Variants in ERN1 observed in about 807,000 individuals in gnomAD.
ERN1 encodes serine/threonine-protein kinase/endoribonuclease IRE1.
ERN1 carries 39 observed loss-of-function variants against 113.1 expected under a neutral mutation model. The ratio of observed to expected loss-of-function variants is 0.34; its 90% CI spans 0.27 to 0.45. The LOEUF (loss-of-function observed/expected upper bound fraction) is 0.45. Ranked by LOEUF, ERN1 falls within the 20% of genes least tolerant of loss-of-function variation. The probability of loss-of-function intolerance (pLI) is 1.00; values close to 1 mark genes in which losing one functional copy is unlikely to be tolerated. For missense variants in ERN1, 976 were observed against 1,274.8 expected, an observed-to-expected ratio of 0.77 and a Z score of 3.57; for synonymous variants, 507 against 515.9, an observed-to-expected ratio of 0.98 and a Z score of 0.23.
chr17:64,079,044 T>C (rs182026422), intron 4 of ERN1, among the ~76,000 whole-genome samples: 1 of 152,288 alleles, frequency 6.6e-6, no homozygotes, highest in East Asian at 1.9e-4. Context: ...CACTGCAGTG[T>C]CACCTTTGTC....
chr17:64,105,915 G>A (rs376021190), intron 1 of ERN1, among the ~76,000 whole-genome samples: 20 of 144,874 alleles, frequency 1.4e-4, no homozygotes, highest in Admixed American at 1.0e-3. Flanking sequence ...AGATGGTGCC[G>A]TTGCACTCCA....
chr17:64,112,262 A>G (rs1244717139), intron 1 of ERN1, among the ~76,000 whole-genome samples: 1 of 151,446 alleles, frequency 6.6e-6, no homozygotes, highest in African/African-American at 2.4e-5. Flanking sequence ...CAGCTCCTCG[A>G]GTGGGTGAGG....
At chr17:64,088,120 G>T (rs945621514) in intron 2 of ERN1, among the ~76,000 whole-genome samples, 2 of 152,150 alleles carry the variant, frequency 1.3e-5, no homozygotes, top group Non-Finnish European at 2.9e-5. Context: ...ACAAGAACAG[G>T]TTGCTCACTT....
At chr17:64,096,106 C>T (rs144432541) in intron 2 of ERN1, among the ~76,000 whole-genome samples, 225 of 152,308 alleles carry the variant, frequency 1.5e-3, no homozygotes, top group African/African-American at 5.3e-3. Flanking sequence ...CCCCAACCCC[C>T]AGGTTGTGGA....
intron 6 of ERN1, among the ~76,000 whole-genome samples, chr17:64,070,751 T>G (rs977208078): frequency 6.6e-6 from 1 of 152,222 alleles, no homozygotes; most frequent in Non-Finnish European, 1.5e-5. Flanking sequence ...CCTAGGTTTT[T>G]GGTATAATTT....
chr17:64,073,576 C>A lies in ERN1; in HGVS notation c.356-1473G>T, dbSNP rs1383266768. On this transcript the variant is annotated intron_variant, in intron 5 of 21. Transcript: ENST00000433197. ...GTGCAATCTCAGCTCACTGCAACCT[C>A]CGCCTCCAGGGTTCAAGCGATACTG... 2.0e-5 allele frequency among the ~76,000 whole-genome samples: 3 copies of A among 152,102 alleles called. No individual in the cohort carries two copies. In the East Asian group the frequency reaches 5.8e-4, roughly 29 times the overall value.
At chr17:64,071,436 G>C (rs752392361) in intron 6 of ERN1, among the ~76,000 whole-genome samples, 2 of 151,786 alleles carry the variant, frequency 1.3e-5, no homozygotes, top group African/African-American at 2.4e-5. Flanking sequence ...TTTTGGGCAG[G>C]GGGGATGGAG....
intron 1 of ERN1, among the ~76,000 whole-genome samples, chr17:64,106,906 C>T (rs1914546377): frequency 4.0e-5 from 6 of 151,654 alleles, no homozygotes; most frequent in Admixed American, 3.9e-4. Context: ...ATAACACAGA[C>T]CCTTGAAAGG....
At chr17:64,119,711 T>C (rs1333496846) in intron 1 of ERN1, among the ~76,000 whole-genome samples, 1 of 151,058 alleles carries the variant, frequency 6.6e-6, no homozygotes, top group South Asian at 2.1e-4. Context: ...AAGTTAGAAC[T>C]TTATTTCTAG....
rs376504608 is a variant in ERN1, at chr17:64,066,637, G to A, written c.842+34C>T. ...AACAGCACCAGAACACGAAGGCCAC[G>A]GCCGCCCTCTCCTTCCCCGAGCTCC... On this transcript the variant is annotated intron_variant, in intron 8 of 21. Coordinates refer to ENST00000433197, the MANE Select transcript of ERN1 (RefSeq NM_001433.5). 1.4e-4 allele frequency: 233 copies of A among 1,609,558 alleles called. No individual in the cohort carries two copies. In the East Asian group the frequency reaches 4.6e-3, roughly 32 times the overall value.
intron 2 of ERN1, among the ~76,000 whole-genome samples, chr17:64,092,336 T>C (rs1224574152): frequency 6.6e-6 from 1 of 152,094 alleles, no homozygotes. Context: ...GGAGGAACTG[T>C]GGCAAGAGGC....
rs1914277972 is a variant in ERN1, at chr17:64,098,078, T to C, written c.175+43A>G. ...CCAGAATATGTTTCTGTGGAACCAGTTAAGCAAATGTCCATGTCGCCCAAG... is the reference window on the plus strand; with the variant it reads ...CCAGAATATGTTTCTGTGGAACCAGCTAAGCAAATGTCCATGTCGCCCAAG... On this transcript the variant is annotated intron_variant, in intron 2 of 21. Transcript: ENST00000433197. 1.9e-6 allele frequency: 3 copies of C among 1,610,486 alleles called. No homozygotes were observed. In the East Asian group the frequency reaches 6.7e-5, roughly 36 times the overall value.
intron 15 of ERN1, among the ~76,000 whole-genome samples, chr17:64,053,673 T>C (rs923575184): frequency 6.6e-6 from 1 of 152,088 alleles, no homozygotes; most frequent in East Asian, 1.9e-4. Flanking sequence ...TGCTGGATGA[T>C]CTTAAAGCCT....
chr17:64,119,379 T>G (rs60644522), intron 1 of ERN1, among the ~76,000 whole-genome samples: 8,404 of 82,410 alleles, frequency 0.1, 940 homozygotes, highest in African/African-American at 0.39. Flanking sequence ...TTTCTAGGTT[T>G]TTTTTTTTTT....
chr17:64,115,313 A>C (rs1252049874), intron 1 of ERN1, among the ~76,000 whole-genome samples: 1 of 152,150 alleles, frequency 6.6e-6, no homozygotes, highest in African/African-American at 2.4e-5. Flanking sequence ...GTGCTAGTTC[A>C]CTTACTCCAA....
chr17:64,046,294 G>C lies in ERN1; in HGVS notation c.2530-812C>G, dbSNP rs1376349923. The stretch of plus-strand genomic sequence containing the variant: ...TAGATTGTCAACTTGGGTACACTGG[G>C]AACACACGTGTCTGAGCTGCAAAGC... On this transcript the variant is annotated intron_variant, in intron 19 of 21. Transcript: ENST00000433197. Among the ~76,000 whole-genome samples the C allele has an allele frequency of 2.0e-5, 3 of 152,216 alleles. No individual in the cohort carries two copies. In the East Asian group the frequency reaches 5.8e-4, roughly 29 times the overall value.
chr17:64,111,354 A>C (rs944488326), intron 1 of ERN1, among the ~76,000 whole-genome samples: 2 of 150,040 alleles, frequency 1.3e-5, no homozygotes, highest in Non-Finnish European at 3.0e-5. Context: ...GAGGTCATCC[A>C]ATGTTTTTTT....
At chr17:64,094,572 G>C (rs1021145122) in intron 2 of ERN1, among the ~76,000 whole-genome samples, 1 of 150,742 alleles carries the variant, frequency 6.6e-6, no homozygotes, top group South Asian at 2.1e-4. Flanking sequence ...ATCTCCTCCC[G>C]CCACATCAAC....
At chr17:64,080,913 C>T (rs1913746516) in intron 2 of ERN1, 105 bp from the exon 3 acceptor site, 3 of 1,163,258 alleles carry the variant, frequency 2.6e-6, no homozygotes. Context: ...TAACTTTCTC[C>T]CTCCTGTTAA....
Sources: allele counts gnomAD v4.1 joint callset (sites outside exome capture counted in the v4.1 genomes callset), GRCh38; gene constraint gnomAD v4.1.1; transcripts MANE v1.5; gene names NCBI Gene and HGNC (gene_info 2026-07-23, HGNC 2026-07-21).